The following FAM120A variants were observed in gnomAD, a reference collection of about 807,000 sequenced individuals.
FAM120A encodes the protein family with sequence similarity 120 member A.
A neutral mutation model predicts 109.7 loss-of-function variants in FAM120A; 15 were observed. The ratio of observed to expected loss-of-function variants is 0.14; its 90% confidence interval spans 0.09 to 0.21. The LOEUF (loss-of-function observed/expected upper bound fraction) is 0.21, where lower values mean the gene tolerates loss of function less well. Ranked by LOEUF, FAM120A falls within the 10% of genes least tolerant of loss-of-function variation. The pLI, the probability that FAM120A is intolerant of heterozygous loss-of-function variation, is 1.00. For synonymous variants in FAM120A, 493 were observed against 572.8 expected, an observed-to-expected ratio of 0.86 and a Z score of 1.99; for missense variants, 899 against 1,439.3, an observed-to-expected ratio of 0.62 and a Z score of 6.07.
intron 11 of FAM120A, among the ~76,000 whole-genome samples, chr9:93,544,914 A>C (rs1441836797): frequency 6.6e-6 from 1 of 152,234 alleles, no homozygotes; most frequent in East Asian, 1.9e-4. Context: ...ACCGTCTCAC[A>C]TGGAAGTGCT....
intron 1 of FAM120A, chr9:93,453,344 A>C: frequency 1.0e-6 from 1 of 985,744 alleles, no homozygotes; most frequent in Non-Finnish European, 1.2e-6. Context: ...AGGACCCAGC[A>C]GTGACTGTGA....
chr9:93,544,658 C>T (rs1861819630), intron 11 of FAM120A, among the ~76,000 whole-genome samples: 1 of 152,174 alleles, frequency 6.6e-6, no homozygotes, highest in Non-Finnish European at 1.5e-5. Context: ...ACCAAAGAAC[C>T]ATCAAAATCA....
chr9:93,481,489 C>T (rs1439954464), intron 3 of FAM120A, among the ~76,000 whole-genome samples: 3 of 152,118 alleles, frequency 2.0e-5, no homozygotes, highest in Admixed American at 6.5e-5. Flanking sequence ...GGTATAATAA[C>T]ATTTAAGTTG....
rs537635491 is a variant in FAM120A at position 93,461,908 on chromosome 9, TTCTTG to T, written c.475-9228_475-9224del. Among the ~76,000 whole-genome samples, 47 of 152,334 alleles carry T rather than the reference TTCTTG, an allele frequency of 3.1e-4. No individual in the cohort carries two copies. In the East Asian group the frequency reaches 7.3e-3, roughly 24 times the overall value. On this transcript the variant is annotated intron_variant, in intron 1 of 17. Coordinates refer to ENST00000277165, the MANE Select transcript of FAM120A (RefSeq NM_014612.5). ...TGAAAAAGCCTGAAATCCAAAACAC[TTCTTG>T]TCTTAAGTGTTTCAGTAAAGGACAC...
chr9:93,556,589 C>A lies in FAM120A; in HGVS notation c.2482C>A (p.Gln828Lys). 1 of 1,614,154 alleles carries A rather than the reference C, an allele frequency of 6.2e-7. No homozygotes were observed. The highest frequency in any genetic ancestry group is 8.5e-7 in the Non-Finnish European group (1 of 1,179,998). ...CCCACTCATTGACCTCTGTGATGGT[C>A]AGGTATGCTGCGGGGCCGGGTGGCT... Reference protein sequence around the residue: ...KTPLIDLCDGQADQAAKVEKM... With the variant: ...KTPLIDLCDGKADQAAKVEKM... Residue 828 changes from glutamine (Q) to lysine (K), a missense_variant and splice_region_variant, in exon 13 of 18, where the codon CAG (glutamine) becomes AAG (lysine). Around this residue, in one of 11 missense-constraint regions of FAM120A, gnomAD observed 31 missense variants for 73.0 expected, o/e 0.42. Coordinates refer to ENST00000277165, the MANE Select transcript of FAM120A (RefSeq NM_014612.5).
intron 11 of FAM120A, among the ~76,000 whole-genome samples, chr9:93,549,867 TGGG>T (rs1862033018): frequency 6.6e-6 from 1 of 152,210 alleles, no homozygotes; most frequent in African/African-American, 2.4e-5. Flanking sequence ...AGACACTCCT[TGGG>T]GTTGTGCCTT....
intron 12 of FAM120A, among the ~76,000 whole-genome samples, chr9:93,555,315 T>G (rs1862252701): frequency 6.6e-6 from 1 of 152,118 alleles, no homozygotes; most frequent in African/African-American, 2.4e-5. Flanking sequence ...GTCAACTGTA[T>G]TGTGAAAATT....
chr9:93,481,902 T>C (rs1356407816), intron 3 of FAM120A, among the ~76,000 whole-genome samples: 2 of 152,200 alleles, frequency 1.3e-5, no homozygotes, highest in Non-Finnish European at 2.9e-5. Flanking sequence ...TGGGCCAGGC[T>C]GCACCCTCAT....
At chr9:93,479,898 C>T (rs74431140) in intron 3 of FAM120A, among the ~76,000 whole-genome samples, 1,661 of 152,306 alleles carry the variant, frequency 0.011, 35 homozygotes, top group African/African-American at 0.037. Flanking sequence ...AAGAATAGCA[C>T]GTCTGCTTTG....
chr9:93,527,087 C>G, intron 7 of FAM120A, 68 bp from the exon 8 acceptor site: 1 of 1,255,946 alleles, frequency 8.0e-7, no homozygotes, highest in South Asian at 1.2e-5. Flanking sequence ...TTAGCTGAGG[C>G]CCTTCTTATC....
At chr9:93,544,659 A>G (rs1355970085) in intron 11 of FAM120A, among the ~76,000 whole-genome samples, 1 of 152,228 alleles carries the variant, frequency 6.6e-6, no homozygotes, top group African/African-American at 2.4e-5. Context: ...CCAAAGAACC[A>G]TCAAAATCAA....
chr9:93,550,535 C>T, intron 11 of FAM120A, 42 bp from the exon 12 acceptor site: 1 of 1,483,634 alleles, frequency 6.7e-7, no homozygotes, highest in South Asian at 1.1e-5. Flanking sequence ...TGACGGGCGA[C>T]CACTCAGTAA....
intron 5 of FAM120A, among the ~76,000 whole-genome samples, chr9:93,499,902 C>T (rs569087787): frequency 2.6e-5 from 4 of 152,354 alleles, no homozygotes; most frequent in Admixed American, 6.5e-5. Context: ...AGCATAGTGT[C>T]TGCTGTATGC....
chr9:93,557,775 A>G, intron 13 of FAM120A, 52 bp from the exon 14 acceptor site: 1 of 1,546,226 alleles, frequency 6.5e-7, no homozygotes, highest in Non-Finnish European at 8.8e-7. Flanking sequence ...ATTTAAATTC[A>G]ATTAAAACCC....
intron 5 of FAM120A, among the ~76,000 whole-genome samples, chr9:93,506,150 C>T (rs938353937): frequency 3.3e-5 from 5 of 152,074 alleles, no homozygotes; most frequent in Non-Finnish European, 7.3e-5. Context: ...TGCAAGAGGT[C>T]GAGACTGTTC....
intron 5 of FAM120A, among the ~76,000 whole-genome samples, chr9:93,512,854 G>A (rs1264058609): frequency 6.6e-6 from 1 of 152,178 alleles, no homozygotes; most frequent in Non-Finnish European, 1.5e-5. Context: ...ATTCACAGAG[G>A]ATTATTTGAG....
chr9:93,535,138 A>G (rs1378986055), intron 10 of FAM120A, among the ~76,000 whole-genome samples: 1 of 152,228 alleles, frequency 6.6e-6, no homozygotes, highest in Non-Finnish European at 1.5e-5. Flanking sequence ...GTTTAGGTAC[A>G]CACAACTTAT....
At chr9:93,472,657 C>T in intron 2 of FAM120A, among the ~76,000 whole-genome samples, 1 of 152,208 alleles carries the variant, frequency 6.6e-6, no homozygotes, top group Middle Eastern at 3.4e-3. Flanking sequence ...TTTAGAAATG[C>T]CTAGTTATCA....
chr9:93,496,180 C>G (rs1859568573), intron 3 of FAM120A, among the ~76,000 whole-genome samples: 1 of 152,224 alleles, frequency 6.6e-6, no homozygotes, highest in Admixed American at 6.5e-5. Context: ...TAAACCCCCT[C>G]AAAGCCATTC....
Sources: allele counts gnomAD v4.1 joint callset (sites outside exome capture counted in the v4.1 genomes callset), GRCh38; gene constraint gnomAD v4.1.1; regional missense constraint gnomAD v4.1.1; transcripts MANE v1.5; gene names NCBI Gene and HGNC (gene_info 2026-07-23, HGNC 2026-07-21).